The following ERCC4 variants were observed in gnomAD, a reference collection of about 807,000 sequenced individuals.
ERCC4 encodes the protein ERCC excision repair 4, endonuclease catalytic subunit.
Under a neutral mutation model 76.9 loss-of-function variants are expected in ERCC4, and 65 were observed. That is an observed-to-expected ratio of 0.84 (90% CI 0.69 to 1.04). ERCC4 has a LOEUF of 1.04. Ranked by LOEUF, ERCC4 falls within the 50% of genes least tolerant of loss-of-function variation. ERCC4 has a pLI of 0.00. For missense variants in ERCC4, 1,214 were observed against 1,128.2 expected, an observed-to-expected ratio of 1.08 and a Z score of -1.09; for synonymous variants, 463 against 410.1, an observed-to-expected ratio of 1.13 and a Z score of -1.56.
chr16:13,920,265 G>A lies in ERCC4; in HGVS notation c.100G>A (p.Val34Met). ...LELLDTDGLV[V>M]CARGLGADRL... ...ACTGCTCGACACTGACGGGCTAGTA[G>A]TGTGCGCCCGCGGGCTCGGCGCGGA... The change falls in exon 1 of 11, where the codon GTG (valine) becomes ATG (methionine). Residue 34 changes from valine (V) to methionine (M), a missense_variant. Coordinates refer to ENST00000311895, the MANE Select transcript of ERCC4 (RefSeq NM_005236.3). The A allele has an allele frequency of 6.2e-7, 1 of 1,606,972 alleles. No individual in the cohort carries two copies. The highest frequency in any genetic ancestry group is 2.2e-5 in the East Asian group (1 of 44,872).
chr16:13,942,334 A>G (rs904710186), intron 9 of ERCC4, among the ~76,000 whole-genome samples: 10 of 152,160 alleles, frequency 6.6e-5, no homozygotes, highest in African/African-American at 2.4e-4. Context: ...TTTTTCTCAC[A>G]TTCGACTTGT....
In ERCC4 at chr16:13,949,518, C is replaced by G. The variant is rs2032591345; in HGVS notation, c.*1171C>G. On this transcript the variant is annotated 3_prime_UTR_variant, in exon 11 of 11. Coordinates refer to ENST00000311895, the MANE Select transcript of ERCC4 (RefSeq NM_005236.3). The stretch of plus-strand genomic sequence containing the variant: ...TCTCTGTGAGGACTCAAATACAAGC[C>G]AATGAGTGGCCCACTAAGCTTTTAA... 1 of 232,960 alleles carries G rather than the reference C, an allele frequency of 4.3e-6. No individual in the cohort carries two copies. The highest frequency in any genetic ancestry group is 8.5e-6 in the Non-Finnish European group (1 of 117,964). 14.4% of individuals were successfully genotyped at this position (232,960 alleles called of 1,614,324 possible). A position where few individuals can be genotyped will look rare whatever the true frequency, so the allele number is the denominator to read the frequency against.
At position 13,928,215 on chromosome 16, in the gene ERCC4, A is replaced by G. The variant is rs2032107050; in HGVS notation, c.772A>G (p.Ile258Val). The change falls in exon 4 of 11, where the codon ATT (isoleucine) becomes GTT (valine). Residue 258 changes from isoleucine (I) to valine (V), a missense_variant. Ile to Val is a conservative substitution (Grantham distance 29, BLOSUM62 3). Coordinates refer to ENST00000311895, the MANE Select transcript of ERCC4 (RefSeq NM_005236.3). Reference sequence around the variant, plus strand: ...GGAAGATTTATCTTTAGAAAATGCTATTGGAAAACCTTTTGACAAGGTACT... The same window carrying G: ...GGAAGATTTATCTTTAGAAAATGCTGTTGGAAAACCTTTTGACAAGGTACT... ...EVEDLSLENA[I>V]GKPFDKTIRH... 6 of 1,612,494 alleles carry G rather than the reference A, an allele frequency of 3.7e-6. No homozygotes were observed. The highest frequency in any genetic ancestry group is 4.2e-6 in the Non-Finnish European group (5 of 1,178,776).
chr16:13,931,733 C>A (rs3136117), intron 5 of ERCC4: 4,391 of 174,310 alleles, frequency 0.025, 210 homozygotes, highest in African/African-American at 0.099. Context: ...CACATATTTT[C>A]CTATAAATTA....
rs1195425528 is a variant in ERCC4, at chr16:13,922,405, C to A, written c.388+194C>A. On this transcript the variant is annotated intron_variant, in intron 2 of 10. Transcript: ENST00000311895. ...TCTGGGTGGGGGTGTTCGGTCCTTG[C>A]AGGCTTCACAAGATCGATTCCTGAC... 3 of 760,396 alleles carry A rather than the reference C, an allele frequency of 3.9e-6. No homozygotes were observed. In the African/African-American group the frequency reaches 5.1e-5, roughly 13 times the overall value. 47.1% of individuals were successfully genotyped at this position (760,396 alleles called of 1,614,324 possible). A position where few individuals can be genotyped will look rare whatever the true frequency, so the allele number is the denominator to read the frequency against.
chr16:13,932,873 C>G, intron 6 of ERCC4: 1 of 204,146 alleles, frequency 4.9e-6, no homozygotes, highest in Non-Finnish European at 1.0e-5. Context: ...GGTGAAACCC[C>G]GTCTCTATTA....
rs3136219 is a variant in ERCC4, at chr16:13,946,865, A to G, written c.2018-749A>G. Among the ~76,000 whole-genome samples the G allele has an allele frequency of 4.6e-3, 698 of 151,946 alleles. 4 individuals carry two copies. The highest frequency in any genetic ancestry group is 0.016 in the African/African-American group (653 of 41,438). ...AACCTCCACCTCCTGGGCTCAAGCAATTCTCCTGCCACAGCCTCCCGAGTA... is the reference window on the plus strand; with the variant it reads ...AACCTCCACCTCCTGGGCTCAAGCAGTTCTCCTGCCACAGCCTCCCGAGTA... On this transcript the variant is annotated intron_variant, in intron 10 of 10. Transcript: ENST00000311895.
chr16:13,929,037 A>T (rs1191857676), intron 4 of ERCC4, among the ~76,000 whole-genome samples: 1 of 152,182 alleles, frequency 6.6e-6, no homozygotes, highest in East Asian at 1.9e-4. Flanking sequence ...AACTAATTTT[A>T]TATATTCTGT....
intron 5 of ERCC4, 114 bp from the exon 6 acceptor site, chr16:13,932,043 T>C: frequency 1.1e-6 from 1 of 899,238 alleles, no homozygotes; most frequent in Non-Finnish European, 1.8e-6. Flanking sequence ...GGCGGTGTGG[T>C]TGGTAGGAAG....
intron 2 of ERCC4, among the ~76,000 whole-genome samples, chr16:13,925,653 C>G (rs940466998): frequency 2.8e-4 from 43 of 152,130 alleles, no homozygotes; most frequent in South Asian, 1.0e-3. Context: ...GATATGAGAA[C>G]TGGATCAAAA....
At chr16:13,922,374 T>A (rs955842806) in intron 2 of ERCC4, 163 bp downstream of exon 2, 3 of 761,492 alleles carry the variant, frequency 3.9e-6, no homozygotes. Context: ...CACCCACAGG[T>A]CTAAATCTGG....
At chr16:13,942,739 A>G (rs189133695) in intron 9 of ERCC4, among the ~76,000 whole-genome samples, 28 of 152,360 alleles carry the variant, frequency 1.8e-4, no homozygotes, top group South Asian at 6.2e-4. Flanking sequence ...TAACCCCCTA[A>G]GATTATACAG....
At chr16:13,920,477 C>T in intron 1 of ERCC4, 105 bp downstream of exon 1, 1 of 1,034,932 alleles carries the variant, frequency 9.7e-7, no homozygotes, top group East Asian at 2.6e-5. Flanking sequence ...GAGGGGGATT[C>T]AGGCCCCTGA....
intron 3 of ERCC4, 103 bp downstream of exon 3, chr16:13,926,859 T>C (rs768003187): frequency 3.1e-6 from 3 of 955,204 alleles, no homozygotes; most frequent in Non-Finnish European, 5.0e-6. Context: ...AATGTAAAAT[T>C]CATTGTAATT....
intron 10 of ERCC4, among the ~76,000 whole-genome samples, chr16:13,946,406 C>A (rs762215330): frequency 6.6e-6 from 1 of 152,206 alleles, no homozygotes; most frequent in Non-Finnish European, 1.5e-5. Flanking sequence ...ACTGAATACT[C>A]TAGGCAACTG....
In ERCC4 at chr16:13,948,577, G is replaced by C. The variant is rs1483047581; in HGVS notation, c.*230G>C. 1.6e-5 allele frequency: 9 copies of C among 548,692 alleles called. No homozygotes were observed. Among genetic ancestry groups the C allele is most frequent in the Non-Finnish European group, 2.9e-5 (9 of 307,578 alleles). The allele number at this position is 548,692 out of a possible 1,614,324, so 34.0% of individuals were successfully genotyped here. On this transcript the variant is annotated 3_prime_UTR_variant, in exon 11 of 11. Transcript: ENST00000311895. ...CCCTGCACCGTCTATGCCGGGCTTA[G>C]CATGTTTCTTTTTAAATGAGGTTTG... is the stretch of plus-strand genomic sequence containing the variant.
intron 4 of ERCC4, among the ~76,000 whole-genome samples, chr16:13,929,326 T>TC (rs1476288376): frequency 1.3e-5 from 2 of 152,234 alleles, no homozygotes; most frequent in African/African-American, 4.8e-5. Context: ...TAGTTATATA[T>TC]CCCAGTTTGT....
At chr16:13,927,638 C>T (rs1007838883) in intron 3 of ERCC4, 1 of 193,650 alleles carries the variant, frequency 5.2e-6, no homozygotes, top group Admixed American at 5.7e-5. Flanking sequence ...TCAACAAACT[C>T]TTCATGTAAA....
rs758786333 is a variant in ERCC4 at position 13,935,248 on chromosome 16, C to T, written c.1316C>T (p.Thr439Ile). 6.2e-7 allele frequency: 1 copy of T among 1,613,918 alleles called. No individual in the cohort carries two copies. Among genetic ancestry groups the T allele is most frequent in the Non-Finnish European group, 8.5e-7 (1 of 1,179,934 alleles). ...EAFLLRLYRK[T>I]FEKDSKAEEV... ...TTCTTATTGAGGCTCTACAGGAAAA[C>T]CTTTGAGAAGGATAGCAAAGCTGAA... Residue 439 changes from threonine to isoleucine, a missense_variant, in exon 8 of 11, where the codon ACC (threonine) becomes ATC (isoleucine). Physicochemically the swap from Thr to Ile is moderately conservative, Grantham distance 89. Coordinates refer to ENST00000311895, the MANE Select transcript of ERCC4 (RefSeq NM_005236.3).
Sources: allele counts gnomAD v4.1 joint callset (sites outside exome capture counted in the v4.1 genomes callset), GRCh38; gene constraint gnomAD v4.1.1; transcripts MANE v1.5; gene names NCBI Gene and HGNC (gene_info 2026-07-23, HGNC 2026-07-21).